Variants in TRPM3 observed in about 807,000 individuals in gnomAD.
TRPM3 encodes the protein long transient receptor potential channel 3.
Under a neutral mutation model 181.2 loss-of-function variants are expected in TRPM3, and 77 were observed. The ratio of observed to expected loss-of-function variants is 0.42; its 90% CI spans 0.35 to 0.51. The LOEUF (loss-of-function observed/expected upper bound fraction) is 0.51. Among genes scored for constraint, TRPM3 ranks in the 20% least tolerant of loss-of-function variants. TRPM3 has a pLI of 0.01. For missense variants in TRPM3, 1,759 were observed against 2,196.7 expected (o/e 0.80, Z 3.98); for synonymous variants, 745 against 796.4 (o/e 0.94, Z 1.09).
chr9:71,220,333 C>G (rs2080157493), intron 1 of TRPM3, among the ~76,000 whole-genome samples: 1 of 149,946 alleles, frequency 6.7e-6, no homozygotes, highest in South Asian at 2.1e-4. Context: ...ATAAATAGTA[C>G]TCTTTAATTT....
At chr9:70,606,547 C>T (rs2061159938) in intron 19 of TRPM3, among the ~76,000 whole-genome samples, 1 of 152,080 alleles carries the variant, frequency 6.6e-6, no homozygotes, top group Non-Finnish European at 1.5e-5. Flanking sequence ...GGACTGGCTG[C>T]TGTCCTGGAA....
At chr9:71,062,768 G>T (rs1372086379) in intron 1 of TRPM3, among the ~76,000 whole-genome samples, 1 of 151,930 alleles carries the variant, frequency 6.6e-6, no homozygotes, top group Non-Finnish European at 1.5e-5. Flanking sequence ...TCAGGAGTTG[G>T]TTCCTGATAA....
chr9:70,924,910 GA>G (rs2096705364), intron 1 of TRPM3, among the ~76,000 whole-genome samples: 1 of 152,114 alleles, frequency 6.6e-6, no homozygotes, highest in South Asian at 2.1e-4. Flanking sequence ...ATTTCAAGAT[GA>G]AGGAGAAAGA....
At chr9:71,294,807 A>T (rs1223476544) in intron 1 of TRPM3, among the ~76,000 whole-genome samples, 2 of 152,202 alleles carry the variant, frequency 1.3e-5, no homozygotes, top group South Asian at 2.1e-4. Context: ...AGTGAGCACG[A>T]TTGATTCTGA....
At chr9:71,207,687 A>T (rs1238643854) in intron 1 of TRPM3, among the ~76,000 whole-genome samples, 1 of 152,154 alleles carries the variant, frequency 6.6e-6, no homozygotes, top group African/African-American at 2.4e-5. Context: ...AACTCTTTGA[A>T]TCAGATATTG....
chr9:71,035,631 C>T (rs1330982811), intron 1 of TRPM3, among the ~76,000 whole-genome samples: 1 of 152,152 alleles, frequency 6.6e-6, no homozygotes, highest in African/African-American at 2.4e-5. Context: ...GCATGAGAAT[C>T]TCTTGAACCC....
intron 10 of TRPM3, 147 bp downstream of exon 10, chr9:70,640,413 A>T (rs2057880358): frequency 3.8e-6 from 2 of 527,770 alleles, no homozygotes; most frequent in Admixed American, 6.7e-5. Context: ...TGAGAAAGGG[A>T]GCTCAGGATA....
chr9:70,976,269 G>A (rs75435436), intron 1 of TRPM3, among the ~76,000 whole-genome samples: 1,996 of 152,290 alleles, frequency 0.013, 28 homozygotes, highest in East Asian at 0.076. Context: ...CTCAGGAAAT[G>A]AAGGATTTAT....
Position 71,407,283 on chromosome 9 carries a change from A to C in TRPM3, c.183+39370T>G, listed in dbSNP as rs117558405. 9.8e-3 allele frequency among the ~76,000 whole-genome samples: 1,487 copies of C among 152,144 alleles called. 15 individuals are homozygous for C. The highest frequency in any genetic ancestry group is 0.013 in the Non-Finnish European group (881 of 67,988). ...CTGAAGCACAGTGGGGCATCATCTC[A>C]CCCGGGAAGTACAAGGGGTTGGGGA... On this transcript the variant is annotated intron_variant, in intron 1 of 24. Coordinates refer to the TRPM3 transcript ENST00000357533.
intron 1 of TRPM3, among the ~76,000 whole-genome samples, chr9:71,297,600 A>G (rs909112288): frequency 6.6e-6 from 1 of 152,194 alleles, no homozygotes; most frequent in Non-Finnish European, 1.5e-5. Context: ...AAAACTTACT[A>G]TCACAAGACT....
At chr9:70,833,426 A>G (rs1340661089) in intron 5 of TRPM3, among the ~76,000 whole-genome samples, 1 of 152,230 alleles carries the variant, frequency 6.6e-6, no homozygotes, top group Non-Finnish European at 1.5e-5. Flanking sequence ...CTTTCCTAAT[A>G]GCACCATCAT....
At chr9:70,948,619 G>A (rs1207564675) in intron 1 of TRPM3, among the ~76,000 whole-genome samples, 1 of 152,166 alleles carries the variant, frequency 6.6e-6, no homozygotes, top group Non-Finnish European at 1.5e-5. Context: ...CAAAAGCATG[G>A]TCATTGGAAG....
intron 1 of TRPM3, among the ~76,000 whole-genome samples, chr9:70,895,262 C>T (rs1042972031): frequency 1.3e-5 from 2 of 152,138 alleles, no homozygotes; most frequent in African/African-American, 4.8e-5. Flanking sequence ...TTAATGATTA[C>T]TAACTTTTAA....
At position 71,058,538 on chromosome 9, in the gene TRPM3, A is replaced by C. The variant is rs541999280; in HGVS notation, c.177+62640T>G. Among the ~76,000 whole-genome samples, 6 of 152,148 alleles carry C rather than the reference A, an allele frequency of 3.9e-5. No individual in the cohort carries two copies. The South Asian group carries it at 1.2e-3, about 32-fold the overall frequency. On this transcript the variant is annotated intron_variant, in intron 1 of 25. Coordinates refer to ENST00000677713, the MANE Select transcript of TRPM3 (RefSeq NM_001366145.2). ...GATGTATCTTGTACCAGTTTCCAAAAATATTGCCTTCCCTGCCTATCTTTG... is the reference window on the plus strand; with the variant it reads ...GATGTATCTTGTACCAGTTTCCAAACATATTGCCTTCCCTGCCTATCTTTG...
At position 70,885,207 on chromosome 9, in the gene TRPM3, G is replaced by A. The variant is rs531441580; in HGVS notation, c.178-20696C>T. ...TTCTTAAAGCAGGATTTCTCAACTC[G>A]GTATTATTGACATTGGGTATTATTG... is the stretch of plus-strand genomic sequence containing the variant. On this transcript the variant is annotated intron_variant, in intron 1 of 25. Coordinates refer to ENST00000677713, the MANE Select transcript of TRPM3 (RefSeq NM_001366145.2). 1.2e-4 allele frequency among the ~76,000 whole-genome samples: 19 copies of A among 152,106 alleles called. No individual in the cohort carries two copies. The South Asian group carries it at 1.5e-3, about 12-fold the overall frequency.
intron 1 of TRPM3, among the ~76,000 whole-genome samples, chr9:71,250,439 C>T (rs149820419): frequency 2.5e-4 from 38 of 152,246 alleles, no homozygotes; most frequent in African/African-American, 8.9e-4. Flanking sequence ...CTGATTTAGG[C>T]ACTGGTTATA....
intron 1 of TRPM3, among the ~76,000 whole-genome samples, chr9:71,089,111 T>C (rs2065761362): frequency 6.8e-6 from 1 of 147,560 alleles, no homozygotes; most frequent in Non-Finnish European, 1.5e-5. Flanking sequence ...ATATATATGA[T>C]ATATATTGTA....
At chr9:71,157,472 T>C (rs778035698) in intron 1 of TRPM3, among the ~76,000 whole-genome samples, 2 of 152,134 alleles carry the variant, frequency 1.3e-5, no homozygotes, top group African/African-American at 4.8e-5. Context: ...GGTAGTATCA[T>C]TTGTCCAGTG....
In TRPM3 at chr9:70,972,811, T is replaced by C. The variant is rs2097260574; in HGVS notation, c.178-108300A>G. ...CTTTGTTCAGTAAGAATTATTCAGG[T>C]TAGTGCCCACTTTGATCCACCAATA... On this transcript the variant is annotated intron_variant, in intron 1 of 25. Transcript: ENST00000677713. 2.0e-5 allele frequency among the ~76,000 whole-genome samples: 3 copies of C among 152,220 alleles called. 1 individual carries two copies. The highest frequency in any genetic ancestry group is 7.2e-5 in the African/African-American group (3 of 41,540).
Sources: gnomAD v4.1 joint callset for allele counts (sites outside exome capture counted in the v4.1 genomes callset) on GRCh38, gnomAD v4.1.1 for gene constraint, MANE v1.5 for transcripts, NCBI Gene and HGNC (gene_info 2026-07-23, HGNC 2026-07-21) for gene names.